CHRM3: variants seen among roughly 807,000 people sequenced by gnomAD.
CHRM3 encodes the protein cholinergic receptor muscarinic 3, also known as muscarinic acetylcholine receptor M3.
In CHRM3, 11 loss-of-function variants were observed where a neutral mutation model predicts 41.8. The ratio of observed to expected loss-of-function variants is 0.26; its 90% confidence interval spans 0.17 to 0.44. The LOEUF is 0.44. Among genes scored for constraint, CHRM3 ranks in the 20% least tolerant of loss-of-function variants. CHRM3 has a pLI of 1.00. For missense variants in CHRM3, 571 were observed against 745.4 expected (o/e 0.77, Z 2.72); for synonymous variants, 297 against 301.4 (o/e 0.99, Z 0.15).
intron 1 of CHRM3, among the ~76,000 whole-genome samples, chr1:239,420,650 A>C (rs759469765): frequency 6.6e-6 from 1 of 152,224 alleles, no homozygotes; most frequent in African/African-American, 2.4e-5. Flanking sequence ...ATTATTAAAA[A>C]TACCCTCTAT....
chr1:239,497,936 T>C (rs1667989008), intron 2 of CHRM3, among the ~76,000 whole-genome samples: 1 of 152,162 alleles, frequency 6.6e-6, no homozygotes, highest in African/African-American at 2.4e-5. Context: ...AGAGAACAAT[T>C]ATGAAACCTG....
chr1:239,439,665 A>C (rs2103241578), intron 1 of CHRM3, among the ~76,000 whole-genome samples: 1 of 152,346 alleles, frequency 6.6e-6, no homozygotes, highest in African/African-American at 2.4e-5. Context: ...ACCAGTTATT[A>C]AAGCTCCATT....
chr1:239,576,313 G>A (rs374543306), intron 3 of CHRM3, among the ~76,000 whole-genome samples: 1 of 151,890 alleles, frequency 6.6e-6, no homozygotes, highest in Non-Finnish European at 1.5e-5. Flanking sequence ...GCACTTACAC[G>A]TGAAATTATA....
intron 2 of CHRM3, among the ~76,000 whole-genome samples, chr1:239,518,937 A>C (rs1046296418): frequency 6.6e-6 from 1 of 152,196 alleles, no homozygotes; most frequent in East Asian, 1.9e-4. Context: ...TTTTTGTGTA[A>C]GTTGGCATTT....
intron 1 of CHRM3, among the ~76,000 whole-genome samples, chr1:239,399,829 C>T (rs1572160610): frequency 6.6e-6 from 1 of 152,110 alleles, no homozygotes; most frequent in Non-Finnish European, 1.5e-5. Flanking sequence ...GTCACTTTGA[C>T]ATATTGATTT....
At chr1:239,499,619 G>A (rs535344462) in intron 2 of CHRM3, among the ~76,000 whole-genome samples, 3 of 152,092 alleles carry the variant, frequency 2.0e-5, no homozygotes, top group Non-Finnish European at 4.4e-5. Flanking sequence ...CCACCAACAC[G>A]ACCATCAGGA....
At chr1:239,800,186 G>T (rs1457801877) in intron 5 of CHRM3, among the ~76,000 whole-genome samples, 1 of 152,076 alleles carries the variant, frequency 6.6e-6, no homozygotes, top group African/African-American at 2.4e-5. Context: ...AGCTCCCCAG[G>T]TTGAGATCAT....
chr1:239,667,423 C>T (rs915867286), intron 4 of CHRM3, among the ~76,000 whole-genome samples: 14 of 152,168 alleles, frequency 9.2e-5, no homozygotes, highest in African/African-American at 3.1e-4. Context: ...GAGACTCATG[C>T]AGACATCTCA....
Position 239,911,332 on chromosome 1 carries a change from G to T in CHRM3, c.*2108G>T, listed in dbSNP as rs796146640. 23 of 166,560 alleles carry T rather than the reference G, an allele frequency of 1.4e-4. 1 individual carries two copies. The highest frequency in any genetic ancestry group is 5.6e-4 in the African/African-American group (23 of 41,386). The allele number at this position is 166,560 out of a possible 1,614,324, so 10.3% of individuals were successfully genotyped here. A position where few individuals can be genotyped will look rare whatever the true frequency, so the allele number is the denominator to read the frequency against. On this transcript the variant is annotated 3_prime_UTR_variant, in exon 7 of 7. Transcript: ENST00000676153. ...TCAACCAAAGAACAAGAAAGAAACAGACGATTTTCTAATATGTACACAGCA... is the reference window on the plus strand; with the variant it reads ...TCAACCAAAGAACAAGAAAGAAACATACGATTTTCTAATATGTACACAGCA...
At chr1:239,501,309 C>T (rs1260411231) in intron 2 of CHRM3, among the ~76,000 whole-genome samples, 2 of 152,114 alleles carry the variant, frequency 1.3e-5, no homozygotes, top group Non-Finnish European at 2.9e-5. Context: ...TTTTATCCAA[C>T]GACTGCAGAA....
At chr1:239,820,059 C>A (rs545668107) in intron 5 of CHRM3, among the ~76,000 whole-genome samples, 1 of 152,316 alleles carries the variant, frequency 6.6e-6, no homozygotes, top group Admixed American at 6.5e-5. Flanking sequence ...TTCACACAAC[C>A]TGTTTCCGAA....
chr1:239,514,780 G>C (rs2148221400), intron 2 of CHRM3, among the ~76,000 whole-genome samples: 1 of 152,184 alleles, frequency 6.6e-6, no homozygotes, highest in South Asian at 2.1e-4. Context: ...ATTTAAGTGT[G>C]TTTTACATGC....
intron 5 of CHRM3, among the ~76,000 whole-genome samples, chr1:239,743,713 G>A (rs535356177): frequency 2.0e-5 from 3 of 150,786 alleles, no homozygotes; most frequent in Non-Finnish European, 4.4e-5. Flanking sequence ...CCTTTTTCAA[G>A]CTGGTCAAAA....
intron 6 of CHRM3, among the ~76,000 whole-genome samples, chr1:239,875,926 C>T (rs1677073879): frequency 2.0e-5 from 3 of 152,184 alleles, no homozygotes; most frequent in Admixed American, 2.0e-4. Flanking sequence ...TCCAGCTTCC[C>T]CCCTTAAAGG....
At chr1:239,496,899 T>G (rs775002548) in intron 2 of CHRM3, among the ~76,000 whole-genome samples, 1 of 152,110 alleles carries the variant, frequency 6.6e-6, no homozygotes, top group Non-Finnish European at 1.5e-5. Flanking sequence ...TATGTGTATA[T>G]GCATACACAG....
intron 1 of CHRM3, among the ~76,000 whole-genome samples, chr1:239,431,325 A>C (rs1662817566): frequency 6.6e-6 from 1 of 152,174 alleles, no homozygotes. Flanking sequence ...AGTCTGCTTA[A>C]TTGTTTTTCA....
At chr1:239,430,107 C>T (rs1215206957) in intron 1 of CHRM3, among the ~76,000 whole-genome samples, 2 of 151,452 alleles carry the variant, frequency 1.3e-5, no homozygotes, top group African/African-American at 4.9e-5. Context: ...GCTGGGACTA[C>T]AGGCGCCCAC....
intron 3 of CHRM3, among the ~76,000 whole-genome samples, chr1:239,580,202 C>T (rs1302753296): frequency 6.6e-6 from 1 of 151,330 alleles, no homozygotes; most frequent in Non-Finnish European, 1.5e-5. Flanking sequence ...CCTCTTGCCC[C>T]CATATTTTCC....
intron 2 of CHRM3, among the ~76,000 whole-genome samples, chr1:239,512,871 AG>A (rs555705523): frequency 6.6e-6 from 1 of 151,506 alleles, no homozygotes; most frequent in South Asian, 2.1e-4. Flanking sequence ...CCGATGGCCC[AG>A]GTTATCTGTG....
Sources: allele counts gnomAD v4.1 joint callset (sites outside exome capture counted in the v4.1 genomes callset), GRCh38; gene constraint gnomAD v4.1.1; transcripts MANE v1.5; gene names NCBI Gene and HGNC (gene_info 2026-07-23, HGNC 2026-07-21).